The following NTM variants were observed in gnomAD, a reference collection of about 807,000 sequenced individuals.
NTM encodes IgLON family member 2.
Under a neutral mutation model 42.1 loss-of-function variants are expected in NTM, and 13 were observed. The observed-to-expected ratio is 0.31, with a 90% CI of 0.20 to 0.49. The LOEUF (loss-of-function observed/expected upper bound fraction) is 0.49, where lower values mean the gene tolerates loss of function less well. Ranked by LOEUF, NTM falls within the 20% of genes least tolerant of loss-of-function variation. NTM has a pLI of 0.99. For missense variants in NTM, 373 were observed against 452.8 expected (o/e 0.82, Z 1.60); for synonymous variants, 187 against 179.2 (o/e 1.04, Z -0.35).
chr11:131,713,756 C>A (rs1410139193), intron 1 of NTM, among the ~76,000 whole-genome samples: 3 of 152,152 alleles, frequency 2.0e-5, no homozygotes, highest in African/African-American at 7.2e-5. Flanking sequence ...TTTGCCTCCT[C>A]AGAAGAAAGA....
intron 1 of NTM, among the ~76,000 whole-genome samples, chr11:131,451,827 G>A (rs548280077): frequency 2.0e-5 from 3 of 152,214 alleles, no homozygotes; most frequent in East Asian, 3.9e-4. Flanking sequence ...AGAGATGTGA[G>A]GAGGAGCACA....
At chr11:131,972,967 TAAAC>T (rs2063773354) in intron 2 of NTM, among the ~76,000 whole-genome samples, 1 of 152,096 alleles carries the variant, frequency 6.6e-6, no homozygotes, top group African/African-American at 2.4e-5. Context: ...ACCAGGCAGA[TAAAC>T]AAATAATCAA....
intron 2 of NTM, among the ~76,000 whole-genome samples, chr11:131,964,967 G>C (rs1049837104): frequency 6.6e-6 from 1 of 152,104 alleles, no homozygotes; most frequent in Non-Finnish European, 1.5e-5. Flanking sequence ...TACCCTGGCT[G>C]GTCTGTGAGG....
intron 1 of NTM, among the ~76,000 whole-genome samples, chr11:131,461,402 G>A (rs1490963783): frequency 3.9e-5 from 6 of 152,178 alleles, no homozygotes; most frequent in Non-Finnish European, 8.8e-5. Context: ...TTTTGAGTTG[G>A]TGAAAAGAAA....
intron 3 of NTM, among the ~76,000 whole-genome samples, chr11:132,183,736 G>A (rs1331444490): frequency 1.3e-5 from 2 of 152,276 alleles, no homozygotes; most frequent in East Asian, 1.9e-4. Context: ...GGAACTTGGT[G>A]TAAAGTGCTT....
chr11:131,810,330 C>T (rs2092685049), intron 1 of NTM, among the ~76,000 whole-genome samples: 2 of 152,170 alleles, frequency 1.3e-5, no homozygotes, highest in Admixed American at 6.5e-5. Flanking sequence ...CTCAAAGATG[C>T]CCTACCATTT....
At chr11:132,189,098 T>C (rs2078892493) in intron 3 of NTM, among the ~76,000 whole-genome samples, 2 of 152,104 alleles carry the variant, frequency 1.3e-5, no homozygotes, top group African/African-American at 4.8e-5. Context: ...TTTGATAGTG[T>C]TGGGAAGGGG....
At chr11:132,109,911 G>A (rs1591572601) in intron 2 of NTM, among the ~76,000 whole-genome samples, 1 of 152,168 alleles carries the variant, frequency 6.6e-6, no homozygotes, top group South Asian at 2.1e-4. Flanking sequence ...TTCCATTCCT[G>A]ACTTACAATT....
intron 4 of NTM, among the ~76,000 whole-genome samples, chr11:132,296,019 G>C (rs2094596833): frequency 6.6e-6 from 1 of 152,186 alleles, no homozygotes; most frequent in Non-Finnish European, 1.5e-5. Context: ...TTTGTTGATT[G>C]AAGGTGAGGA....
At chr11:131,544,729 C>T (rs2053700015) in intron 1 of NTM, among the ~76,000 whole-genome samples, 1 of 152,198 alleles carries the variant, frequency 6.6e-6, no homozygotes, top group African/African-American at 2.4e-5. Flanking sequence ...TTATTTCCTG[C>T]TCCGCAGCCC....
intron 2 of NTM, among the ~76,000 whole-genome samples, chr11:131,982,749 G>C (rs1163801473): frequency 6.6e-6 from 1 of 152,182 alleles, no homozygotes; most frequent in Non-Finnish European, 1.5e-5. Flanking sequence ...GGTGCCCACT[G>C]GCTTTAAAAT....
chr11:132,099,432 C>T (rs1169776987), intron 2 of NTM, among the ~76,000 whole-genome samples: 39 of 152,272 alleles, frequency 2.6e-4, no homozygotes. Context: ...ATTTTAAAAA[C>T]TCACGGATAA....
At chr11:132,306,698 A>T (rs1243096438) in intron 4 of NTM, among the ~76,000 whole-genome samples, 6 of 152,166 alleles carry the variant, frequency 3.9e-5, no homozygotes, top group African/African-American at 1.4e-4. Flanking sequence ...TTCCTTTTAA[A>T]GGTATCCAGG....
At chr11:131,669,301 A>C (rs1298482529) in intron 1 of NTM, among the ~76,000 whole-genome samples, 2 of 152,212 alleles carry the variant, frequency 1.3e-5, no homozygotes, top group Non-Finnish European at 2.9e-5. Flanking sequence ...AGGCTCTGGA[A>C]TCAGCCAAGC....
At chr11:131,940,334 T>C (rs1044542417) in intron 2 of NTM, among the ~76,000 whole-genome samples, 4 of 152,188 alleles carry the variant, frequency 2.6e-5, no homozygotes, top group African/African-American at 9.6e-5. Flanking sequence ...CTCCCAGGCC[T>C]CTGGTTGTTG....
intron 2 of NTM, among the ~76,000 whole-genome samples, chr11:132,054,749 T>C (rs1204236742): frequency 6.6e-6 from 1 of 152,226 alleles, no homozygotes; most frequent in Non-Finnish European, 1.5e-5. Context: ...ATTATCAATC[T>C]TGAATTGAAA....
At chr11:131,651,641 A>C (rs1370433302) in intron 1 of NTM, among the ~76,000 whole-genome samples, 3 of 152,136 alleles carry the variant, frequency 2.0e-5, no homozygotes, top group Non-Finnish European at 4.4e-5. Context: ...AGAGATAGAG[A>C]CCATCCTGGC....
chr11:131,779,348 G>A (rs1306691510), intron 1 of NTM, among the ~76,000 whole-genome samples: 1 of 152,056 alleles, frequency 6.6e-6, no homozygotes, highest in Non-Finnish European at 1.5e-5. Context: ...CTGCCTAGTC[G>A]GTGATAATTC....
intron 2 of NTM, among the ~76,000 whole-genome samples, chr11:132,063,337 C>T (rs1056735968): frequency 1.3e-5 from 2 of 152,144 alleles, no homozygotes; most frequent in Non-Finnish European, 2.9e-5. Context: ...GTCAGATTAA[C>T]GGACAGCCAT....
Sources: allele counts gnomAD v4.1 joint callset (sites outside exome capture counted in the v4.1 genomes callset), GRCh38; gene constraint gnomAD v4.1.1; transcripts MANE v1.5; gene names NCBI Gene and HGNC (gene_info 2026-07-23, HGNC 2026-07-21).